ANO4: variants seen among roughly 807,000 people sequenced by gnomAD.
The protein encoded by ANO4 is anoctamin 4, also known as anoctamin-4.
ANO4 carries 69 observed loss-of-function variants against 141.9 expected under a neutral mutation model. The ratio of observed to expected loss-of-function variants is 0.49; its 90% CI spans 0.40 to 0.59. The LOEUF is 0.59. ANO4 is among the 20% of genes least tolerant of loss of function. ANO4 has a pLI of 0.00. For synonymous variants in ANO4, 350 were observed against 394.3 expected (o/e 0.89, Z 1.33); for missense variants, 894 against 1,162.2 (o/e 0.77, Z 3.36).
intron 7 of ANO4, among the ~76,000 whole-genome samples, chr12:100,981,798 G>T (rs2136312142): frequency 6.6e-6 from 1 of 152,188 alleles, no homozygotes; most frequent in Non-Finnish European, 1.5e-5. Context: ...AGTTTATAAA[G>T]GTCTCCTGAC....
intron 15 of ANO4, 55 bp from the exon 16 acceptor site, chr12:101,083,623 T>G: frequency 1.3e-6 from 2 of 1,549,540 alleles, no homozygotes; most frequent in Non-Finnish European, 1.7e-6. Context: ...ATATTTCTTT[T>G]TTTATTGTGT....
intron 24 of ANO4, among the ~76,000 whole-genome samples, chr12:101,115,598 G>C (rs977041586): frequency 3.3e-5 from 5 of 152,218 alleles, no homozygotes; most frequent in Non-Finnish European, 5.9e-5. Flanking sequence ...ATGTATCTAA[G>C]TGCTAATTTC....
At chr12:101,104,593 ATGTGTG>A (rs745870723) in intron 22 of ANO4, among the ~76,000 whole-genome samples, 10 of 94,702 alleles carry the variant, frequency 1.1e-4, no homozygotes, top group Non-Finnish European at 1.4e-4. Flanking sequence ...TAATATATAT[ATGTGTG>A]TGTGTGTGTG....
At chr12:100,819,049 GTA>G (rs200287125) in intron 1 of ANO4, among the ~76,000 whole-genome samples, 8 of 148,368 alleles carry the variant, frequency 5.4e-5, no homozygotes, top group African/African-American at 1.0e-4. Context: ...ATATATATGT[GTA>G]TATATATATG....
chr12:100,717,422 G>A (rs1433254526), upstream of ANO4: 1 of 387,048 alleles, frequency 2.6e-6, no homozygotes, highest in African/African-American at 2.1e-5. Flanking sequence ...GGCGCCGCTA[G>A]AGCCAAGCGC....
chr12:101,015,168 G>A (rs2046263770), intron 8 of ANO4, among the ~76,000 whole-genome samples: 1 of 152,112 alleles, frequency 6.6e-6, no homozygotes. Flanking sequence ...CTTACACATG[G>A]TAAAAATTTC....
intron 25 of ANO4, among the ~76,000 whole-genome samples, chr12:101,117,645 G>A (rs143003187): frequency 4.4e-4 from 67 of 152,306 alleles, no homozygotes; most frequent in African/African-American, 1.5e-3. Flanking sequence ...AGGCAGTCAA[G>A]GCTGCAGTGA....
chr12:101,073,809 G>A (rs1025166223), intron 14 of ANO4, among the ~76,000 whole-genome samples: 23 of 152,062 alleles, frequency 1.5e-4, no homozygotes, highest in Non-Finnish European at 3.1e-4. Flanking sequence ...GACTAACGTT[G>A]TGAGAAGATT....
chr12:101,074,996 G>C (rs984023303), intron 14 of ANO4, among the ~76,000 whole-genome samples: 1 of 152,060 alleles, frequency 6.6e-6, no homozygotes, highest in Non-Finnish European at 1.5e-5. Flanking sequence ...ATATGATCTG[G>C]GTTTGGGTTT....
At chr12:100,982,580 A>G (rs1285120017) in intron 7 of ANO4, among the ~76,000 whole-genome samples, 2 of 152,218 alleles carry the variant, frequency 1.3e-5, no homozygotes, top group Non-Finnish European at 2.9e-5. Context: ...CCTAGAAACT[A>G]TCACTCAATC....
intron 3 of ANO4, among the ~76,000 whole-genome samples, chr12:100,923,127 G>A (rs1212186152): frequency 6.6e-6 from 1 of 151,882 alleles, no homozygotes; most frequent in East Asian, 1.9e-4. Flanking sequence ...TTGGGACATT[G>A]CATTTTCTTT....
At position 100,901,528 on chromosome 12, in the gene ANO4, A is replaced by G. The variant is rs2040590681; in HGVS notation, c.-140-118A>G. 6 of 528,588 alleles carry G rather than the reference A, an allele frequency of 1.1e-5. No individual in the cohort carries two copies. The South Asian group carries it at 1.2e-4, about 11-fold the overall frequency. The allele number at this position is 528,588 out of a possible 1,614,324, so 32.7% of individuals were successfully genotyped here. ...GGATGTCTACTTTTGAGTGATGCATACCTTAAGAATTTGAAACATGGTTGC... is the reference window on the plus strand; with the variant it reads ...GGATGTCTACTTTTGAGTGATGCATGCCTTAAGAATTTGAAACATGGTTGC... On this transcript the variant is annotated intron_variant, in intron 1 of 27. Coordinates refer to ENST00000392977, the MANE Select transcript of ANO4 (RefSeq NM_001286615.2).
chr12:101,124,361 G>A (rs1164665047), intron 26 of ANO4, among the ~76,000 whole-genome samples: 2 of 151,984 alleles, frequency 1.3e-5, no homozygotes, highest in African/African-American at 2.4e-5. Flanking sequence ...TGTAGACTCT[G>A]GATATCAGAC....
intron 1 of ANO4, among the ~76,000 whole-genome samples, chr12:100,812,670 A>G (rs546981269): frequency 6.6e-6 from 1 of 152,184 alleles, no homozygotes; most frequent in Non-Finnish European, 1.5e-5. Flanking sequence ...CAGAGGGAAA[A>G]GAACAGGCTT....
chr12:100,968,051 G>C (rs1010448955), intron 5 of ANO4, among the ~76,000 whole-genome samples: 2 of 151,900 alleles, frequency 1.3e-5, no homozygotes, highest in Non-Finnish European at 2.9e-5. Flanking sequence ...GAATAAGATG[G>C]GGTAACATGT....
intron 1 of ANO4, among the ~76,000 whole-genome samples, chr12:100,800,266 A>G (rs1317530548): frequency 6.6e-6 from 1 of 152,152 alleles, no homozygotes; most frequent in African/African-American, 2.4e-5. Context: ...TTTACCTGTT[A>G]CTTACTGAGC....
At chr12:100,717,523 A>C, upstream of ANO4, 1 of 398,972 alleles carries the variant, frequency 2.5e-6, no homozygotes. Context: ...GACGCGGGCC[A>C]GGATGGCCTC....
At chr12:100,898,900 G>C (rs1277883517) in intron 1 of ANO4, among the ~76,000 whole-genome samples, 1 of 152,180 alleles carries the variant, frequency 6.6e-6, no homozygotes, top group East Asian at 1.9e-4. Flanking sequence ...CCACAAAGCT[G>C]TTTGCATTCT....
chr12:100,921,910 T>A (rs146425934), intron 2 of ANO4, among the ~76,000 whole-genome samples: 1 of 152,256 alleles, frequency 6.6e-6, no homozygotes, highest in East Asian at 1.9e-4. Flanking sequence ...ATTTTAAATA[T>A]CCTTAGGTAG....
Sources: gnomAD v4.1 joint callset for allele counts (sites outside exome capture counted in the v4.1 genomes callset) on GRCh38, gnomAD v4.1.1 for gene constraint, MANE v1.5 for transcripts, NCBI Gene and HGNC (gene_info 2026-07-23, HGNC 2026-07-21) for gene names.